OR2J1: variants seen among roughly 807,000 people sequenced by gnomAD.
The protein encoded by OR2J1 is olfactory receptor 2J1.
A neutral mutation model predicts 10.2 loss-of-function variants in OR2J1; 10 were observed. The observed-to-expected ratio is 0.98, with a 90% CI of 0.60 to 1.66. The LOEUF (loss-of-function observed/expected upper bound fraction) is 1.66. OR2J1 is among the 40% of genes most tolerant of loss of function. The pLI is 0.00. For synonymous variants in OR2J1, 143 were observed against 138.8 expected (o/e 1.03, Z -0.21); for missense variants, 317 against 379.4 (o/e 0.84, Z 1.37).
rs758641925 is a variant in OR2J1 at position 29,101,706 on chromosome 6, C to T, written c.764C>T (p.Pro255Leu). Residue 255 changes from proline (P) to leucine (L), a missense_variant, in exon 2 of 2, where the codon CCA becomes CTA. By Grantham distance (98) the Pro-to-Leu change is moderately conservative. Coordinates refer to ENST00000641659, the MANE Select transcript of OR2J1 (RefSeq NM_001348294.2). Reference protein sequence around the residue: ...HLMVVSLFFIPVMCMYLQPPS... With the variant: ...HLMVVSLFFILVMCMYLQPPS... ...ATGGTTGTATCTCTCTTTTTCATTC[C>T]AGTCATGTGCATGTATCTCCAGCCA... The T allele has an allele frequency of 3.2e-5, 51 of 1,613,752 alleles. No homozygotes were observed. Among genetic ancestry groups the T allele is most frequent in the Non-Finnish European group, 4.1e-5 (48 of 1,179,666 alleles).
At position 29,102,199 on chromosome 6, in the gene OR2J1, C is replaced by A; in HGVS notation, c.*318C>A. On this transcript the variant is annotated 3_prime_UTR_variant, in exon 2 of 2. Transcript: ENST00000641659. ...TAAAAAATATTGGCAATATTTCTGACAATGTGCTAAATTATGAACTGACCA... is the reference window on the plus strand; with the variant it reads ...TAAAAAATATTGGCAATATTTCTGAAAATGTGCTAAATTATGAACTGACCA... 2 of 255,234 alleles carry A rather than the reference C, an allele frequency of 7.8e-6. No homozygotes were observed. Among genetic ancestry groups the A allele is most frequent in the Non-Finnish European group, 1.5e-5 (2 of 134,380 alleles). The allele number at this position is 255,234 out of a possible 1,614,324, so 15.8% of individuals were successfully genotyped here.
intron 1 of OR2J1, chr6:29,100,492 A>T (rs190703575): frequency 6.5e-6 from 1 of 153,252 alleles, no homozygotes; most frequent in Admixed American, 6.5e-5. Flanking sequence ...TTTTAAAGTG[A>T]CTACCTAATT....
chr6:29,100,443 T>A (rs1334139290), intron 1 of OR2J1, among the ~76,000 whole-genome samples: 1 of 152,206 alleles, frequency 6.6e-6, no homozygotes, highest in African/African-American at 2.4e-5. Context: ...ATTCTTTCTA[T>A]AATCATATCC....
In OR2J1 at chr6:29,099,853, C is replaced by A. The variant is rs1761490330; in HGVS notation, c.-189C>A. The A allele has an allele frequency of 6.6e-6, 1 of 152,008 alleles. No individual in the cohort carries two copies. Among genetic ancestry groups the A allele is most frequent in the East Asian group, 1.9e-4 (1 of 5,198 alleles). 9.4% of individuals were successfully genotyped at this position (152,008 alleles called of 1,614,324 possible). A position where few individuals can be genotyped will look rare whatever the true frequency, so the allele number is the denominator to read the frequency against. ...GAGTTGTTAAAAGTTTTTCAAAACA[C>A]TGAAGGTGAGTTGGGTGTAAATAAA... On this transcript the variant is annotated 5_prime_UTR_variant, in exon 1 of 2. It adds an upstream start codon to the 5' untranslated region. Transcript: ENST00000641659.
In OR2J1 at chr6:29,102,167, G is replaced by A. The variant is rs1484594772; in HGVS notation, c.*286G>A. ...ATGTGTGTGTGAATAATTATGAGGA[G>A]ATTATTTAAAAAATATTGGCAATAT... On this transcript the variant is annotated 3_prime_UTR_variant, in exon 2 of 2. Coordinates refer to ENST00000641659, the MANE Select transcript of OR2J1 (RefSeq NM_001348294.2). The A allele has an allele frequency of 2.3e-5, 7 of 310,110 alleles. No homozygotes were observed. Among genetic ancestry groups the A allele is most frequent in the African/African-American group, 1.5e-4 (7 of 46,316 alleles). 19.2% of individuals were successfully genotyped at this position (310,110 alleles called of 1,614,324 possible).
chr6:29,099,999 T>C (rs1761499713), intron 1 of OR2J1, 141 bp downstream of exon 1: 1 of 152,218 alleles, frequency 6.6e-6, no homozygotes, highest in Admixed American at 6.5e-5. Flanking sequence ...GAAATACAAG[T>C]TGTGACTCAG....
In OR2J1 at chr6:29,101,153, G is replaced by T. The variant is rs767224743; in HGVS notation, c.211G>T (p.Asp71Tyr). The T allele has an allele frequency of 6.3e-7, 1 of 1,587,358 alleles. No homozygotes were observed. The highest frequency in any genetic ancestry group is 1.7e-5 in the Admixed American group (1 of 59,952). Reference protein sequence around the residue: ...YFFLSNLSFLDLCYTTSSIPQ... With the variant: ...YFFLSNLSFLYLCYTTSSIPQ... ...CTTCCTTTCAAATCTCTCATTTCTG[G>T]ATCTCTGCTACACCACCAGCTCTAT... Residue 71 changes from aspartate (D) to tyrosine (Y), a missense_variant, in exon 2 of 2, where the codon GAT becomes TAT. Asp to Tyr is a radical substitution (Grantham distance 160). Transcript: ENST00000641659.
Position 29,101,874 on chromosome 6 carries a change from G to A in OR2J1, c.932G>A (p.Gly311Glu), listed in dbSNP as rs1581898556. Residue 311 changes from glycine (G) to glutamate (E), a missense_variant, in exon 2 of 2, where the codon GGG becomes GAG. Physicochemically the swap from Gly to Glu is moderately conservative, Grantham distance 98. Coordinates refer to ENST00000641659, the MANE Select transcript of OR2J1 (RefSeq NM_001348294.2). ...AVKRLMGWEW[G>E]M ...AAGAGACTAATGGGGTGGGAATGGG[G>A]GATGTGACAGGGAAATCATGTTGGC... 8.5e-7 allele frequency: 1 copy of A among 1,175,276 alleles called. No individual in the cohort carries two copies. The highest frequency in any genetic ancestry group is 1.5e-5 in the African/African-American group (1 of 66,228). The allele number at this position is 1,175,276 out of a possible 1,614,324, so 72.8% of individuals were successfully genotyped here.
At position 29,101,845 on chromosome 6, in the gene OR2J1, A is replaced by G; in HGVS notation, c.903A>G (p.Ala301=). 1 of 1,476,400 alleles carries G rather than the reference A, an allele frequency of 6.8e-7. No homozygotes were observed. The allele number at this position is 1,476,400 out of a possible 1,614,324, so 91.5% of individuals were successfully genotyped here. A position where few individuals can be genotyped will look rare whatever the true frequency, so the allele number is the denominator to read the frequency against. Reference sequence around the variant, plus strand: ...TCAGAAACAAGGATGTAAGAGGGGCAGTGAAGAGACTAATGGGGTGGGAAT... The same window carrying G: ...TCAGAAACAAGGATGTAAGAGGGGCGGTGAAGAGACTAATGGGGTGGGAAT... ...YTFRNKDVRG[A]VKRLMGWEWG... Residue 301 remains alanine, a synonymous_variant, in exon 2 of 2, where the codon GCA becomes GCG. Transcript: ENST00000641659.
Position 29,101,590 on chromosome 6 carries a change from C to A in OR2J1, c.648C>A (p.Leu216=). The change falls in exon 2 of 2, where the codon CTC becomes CTA. Residue 216 remains leucine (L), a synonymous_variant. Transcript: ENST00000641659. ...IFVLIPLILI[L]TSYGAIARAV... ...TTCTCATACCTCTCATCCTCATCCT[C>A]ACTTCCTATGGTGCCATTGCCCGGG... The A allele has an allele frequency of 1.2e-6, 2 of 1,609,944 alleles. No homozygotes were observed. Among genetic ancestry groups the A allele is most frequent in the Non-Finnish European group, 1.7e-6 (2 of 1,176,200 alleles).
At position 29,101,793 on chromosome 6, in the gene OR2J1, C is replaced by T; in HGVS notation, c.851C>T (p.Pro284Leu). 6.2e-7 allele frequency: 1 copy of T among 1,603,360 alleles called. No individual in the cohort carries two copies. The highest frequency in any genetic ancestry group is 8.5e-7 in the Non-Finnish European group (1 of 1,170,344). Residue 284 changes from proline to leucine, a missense_variant, in exon 2 of 2, where the codon CCT becomes CTT. Transcript: ENST00000641659. Reference sequence around the variant, plus strand: ...GCCCTCTTTTACACTGTTGTCACACCTAGTCTTAACCCTCTAATCTACACT... The same window carrying T: ...GCCCTCTTTTACACTGTTGTCACACTTAGTCTTAACCCTCTAATCTACACT... ...FIALFYTVVT[P>L]SLNPLIYTFR...
rs1291486439 is a variant in OR2J1 at position 29,101,139 on chromosome 6, ATC to A, written c.202_203del (p.Ser68IlefsTer54). On this transcript the variant is annotated frameshift_variant, in exon 2 of 2. Transcript: ENST00000641659. LOFTEE classifies it low-confidence loss of function (END_TRUNC). The stretch of plus-strand genomic sequence containing the variant: ...ACTCCCATGTACTTCTTCCTTTCAA[ATC>A]TCTCATTTCTGGATCTCTGCTACAC... 1.9e-6 allele frequency: 3 copies of A among 1,579,750 alleles called. No individual in the cohort carries two copies. Among genetic ancestry groups the A allele is most frequent in the Non-Finnish European group, 2.6e-6 (3 of 1,149,030 alleles).
chr6:29,101,291 G>C lies in OR2J1; in HGVS notation c.349G>C (p.Val117Leu), dbSNP rs1206325371. The C allele has an allele frequency of 3.7e-6, 6 of 1,601,408 alleles. No individual in the cohort carries two copies. The highest frequency in any genetic ancestry group is 4.3e-6 in the Non-Finnish European group (5 of 1,168,546). ...ALGTAECVLL[V>L]VMSYDRYAAV... ...GGGAACCGCAGAGTGTGTCCTACTGGTGGTGATGTCCTATGATCGTTATGC... is the reference window on the plus strand; with the variant it reads ...GGGAACCGCAGAGTGTGTCCTACTGCTGGTGATGTCCTATGATCGTTATGC... The change falls in exon 2 of 2, where the codon GTG (valine) becomes CTG (leucine). Residue 117 changes from valine (V) to leucine (L), a missense_variant. Val to Leu is a conservative substitution (Grantham distance 32). Coordinates refer to ENST00000641659, the MANE Select transcript of OR2J1 (RefSeq NM_001348294.2).
chr6:29,100,781 G>A lies in OR2J1; in HGVS notation c.-162G>A. ...ACAGCTGGACAAATATCTCAATGAA[G>A]CATACAAAGGAAACTGTATAAAAAT... is the stretch of plus-strand genomic sequence containing the variant. On this transcript the variant is annotated 5_prime_UTR_variant, in exon 2 of 2. Coordinates refer to ENST00000641659, the MANE Select transcript of OR2J1 (RefSeq NM_001348294.2). The A allele has an allele frequency of 1.7e-6, 1 of 573,968 alleles. No homozygotes were observed. Among genetic ancestry groups the A allele is most frequent in the South Asian group, 2.4e-5 (1 of 41,256 alleles). The allele number at this position is 573,968 out of a possible 1,614,324, so 35.6% of individuals were successfully genotyped here. A position where few individuals can be genotyped will look rare whatever the true frequency, so the allele number is the denominator to read the frequency against.
In OR2J1 at chr6:29,101,109, T is replaced by C; in HGVS notation, c.167T>C (p.Leu56Pro). Residue 56 changes from leucine (L) to proline (P), a missense_variant, in exon 2 of 2, where the codon CTC becomes CCC. Transcript: ENST00000641659. ...ATCCTGTCATACCTGGACTCCCATC[T>C]CCACACTCCCATGTACTTCTTCCTT... ...IIILSYLDSH[L>P]HTPMYFFLSN... is the part of the protein sequence containing the mutation. 1 of 1,562,466 alleles carries C rather than the reference T, an allele frequency of 6.4e-7. No individual in the cohort carries two copies. The highest frequency in any genetic ancestry group is 8.8e-7 in the Non-Finnish European group (1 of 1,132,910).
rs780897542 is a variant in OR2J1 at position 29,101,390 on chromosome 6, T to A, written c.448T>A (p.Trp150Arg). ...CTGCCGCTTGTTGGCTGCGGCTTCT[T>A]GGGTAAGTGGTTTTACAACCTCAGC... is the stretch of plus-strand genomic sequence containing the variant. ...RFCRLLAAASWVSGFTTSALH... is the reference protein window; with the variant it reads ...RFCRLLAAASRVSGFTTSALH... The change falls in exon 2 of 2, where the codon TGG becomes AGG. Residue 150 changes from tryptophan (W) to arginine (R), a missense_variant. Trp to Arg is a moderately radical substitution (Grantham distance 101). Transcript: ENST00000641659. 31 of 1,577,778 alleles carry A rather than the reference T, an allele frequency of 2.0e-5. No individual in the cohort carries two copies. The highest frequency in any genetic ancestry group is 2.7e-5 in the Non-Finnish European group (31 of 1,146,826).
rs751755208 is a variant in OR2J1 at position 29,101,273 on chromosome 6, G to A, written c.331G>A (p.Ala111Thr). ...QLYFVLALGT[A>T]ECVLLVVMSY... ...TTACTTTGTTCTCGCACTGGGAACC[G>A]CAGAGTGTGTCCTACTGGTGGTGAT... Residue 111 changes from alanine (A) to threonine (T), a missense_variant, in exon 2 of 2, where the codon GCA (alanine) becomes ACA (threonine). Coordinates refer to ENST00000641659, the MANE Select transcript of OR2J1 (RefSeq NM_001348294.2). 41 of 1,599,904 alleles carry A rather than the reference G, an allele frequency of 2.6e-5. No individual in the cohort carries two copies. Among genetic ancestry groups the A allele is most frequent in the East Asian group, 6.7e-5 (3 of 44,846 alleles).
At position 29,100,929 on chromosome 6, in the gene OR2J1, C is replaced by A; in HGVS notation, c.-14C>A. 1.9e-6 allele frequency: 2 copies of A among 1,070,956 alleles called. No homozygotes were observed. The highest frequency in any genetic ancestry group is 2.9e-6 in the Non-Finnish European group (2 of 696,208). The allele number at this position is 1,070,956 out of a possible 1,614,324, so 66.3% of individuals were successfully genotyped here. On this transcript the variant is annotated 5_prime_UTR_variant, in exon 2 of 2. An upstream open reading frame in the 5' UTR gains an earlier in-frame stop. Coordinates refer to ENST00000641659, the MANE Select transcript of OR2J1 (RefSeq NM_001348294.2). ...GTTTATGCGATTCTTTCTTTAGGTA[C>A]AGGAAAAATAAGAATGTTGATGAAA...
rs763708351 is a variant in OR2J1 at position 29,100,950 on chromosome 6, T to C, written c.8T>C (p.Met3Thr). 8.1e-7 allele frequency: 1 copy of C among 1,233,252 alleles called. No homozygotes were observed. The highest frequency in any genetic ancestry group is 2.3e-5 in the East Asian group (1 of 42,964). The allele number at this position is 1,233,252 out of a possible 1,614,324, so 76.4% of individuals were successfully genotyped here. A position where few individuals can be genotyped will look rare whatever the true frequency, so the allele number is the denominator to read the frequency against. Residue 3 changes from methionine to threonine, a missense_variant, in exon 2 of 2, where the codon ATG becomes ACG. Transcript: ENST00000641659. Reference protein sequence around the residue: MLMKKNASFEDFF... With the variant: MLTKKNASFEDFF... ...GGTACAGGAAAAATAAGAATGTTGA[T>C]GAAAAAAAATGCAAGTTTTGAAGAC...
Sources: gnomAD v4.1 joint callset for allele counts (sites outside exome capture counted in the v4.1 genomes callset) on GRCh38, gnomAD v4.1.1 for gene constraint, MANE v1.5 for transcripts, NCBI Gene and HGNC (gene_info 2026-07-23, HGNC 2026-07-21) for gene names.